PRKN: variants seen among roughly 807,000 people sequenced by gnomAD.
PRKN encodes E3 ubiquitin-protein ligase parkin.
Under a neutral mutation model 59.5 loss-of-function variants are expected in PRKN, and 56 were observed. The ratio of observed to expected loss-of-function variants is 0.94; its 90% CI spans 0.76 to 1.18. PRKN has a LOEUF of 1.18. Among genes scored for constraint, PRKN ranks in the 50% most tolerant of loss-of-function variants. PRKN has a pLI of 0.00. For synonymous variants in PRKN, 250 were observed against 222.1 expected, an observed-to-expected ratio of 1.13 and a Z score of -1.12; for missense variants, 657 against 596.4, an observed-to-expected ratio of 1.10 and a Z score of -1.06.
At chr6:162,612,623 A>G (rs532269410) in intron 1 of PRKN, among the ~76,000 whole-genome samples, 1 of 151,508 alleles carries the variant, frequency 6.6e-6, no homozygotes, top group Non-Finnish European at 1.5e-5. Context: ...AAAAAACAGC[A>G]AAAAACAAAA....
chr6:161,719,303 G>T (rs1787123186), intron 7 of PRKN, among the ~76,000 whole-genome samples: 1 of 151,756 alleles, frequency 6.6e-6, no homozygotes, highest in African/African-American at 2.4e-5. Flanking sequence ...AGAGAGGAAG[G>T]AAAAAGGAGA....
chr6:161,573,796 A>ATATATATAT (rs1562535152), intron 7 of PRKN, among the ~76,000 whole-genome samples: 209 of 105,698 alleles, frequency 2.0e-3, no homozygotes, highest in Middle Eastern at 4.8e-3. Flanking sequence ...ATATATATAT[A>ATATATATAT]AAACTTCATT....
chr6:161,587,536 A>C (rs1781562765), intron 7 of PRKN, among the ~76,000 whole-genome samples: 1 of 152,214 alleles, frequency 6.6e-6, no homozygotes, highest in African/African-American at 2.4e-5. Context: ...TCATCTGCCA[A>C]ATACTTTAAT....
chr6:162,499,263 A>G (rs1159908467), intron 1 of PRKN, among the ~76,000 whole-genome samples: 2 of 152,092 alleles, frequency 1.3e-5, no homozygotes, highest in African/African-American at 2.4e-5. Flanking sequence ...TAACTCCTAT[A>G]TGACCTTAAA....
chr6:161,839,351 AAGTCGGGG>A (rs1792889697), intron 6 of PRKN, among the ~76,000 whole-genome samples: 1 of 152,088 alleles, frequency 6.6e-6, no homozygotes, highest in Non-Finnish European at 1.5e-5. Context: ...AGGCTGCACT[AAGTCGGGG>A]GTCACGGCTA....
chr6:162,275,468 C>T (rs74922818), intron 2 of PRKN: 1 of 151,982 alleles, frequency 6.6e-6, no homozygotes, highest in South Asian at 2.1e-4. Flanking sequence ...AATAAAAATG[C>T]AATTTTTAAA....
intron 6 of PRKN, among the ~76,000 whole-genome samples, chr6:161,856,608 C>A (rs1306102544): frequency 6.6e-6 from 1 of 152,052 alleles, no homozygotes; most frequent in East Asian, 1.9e-4. Flanking sequence ...CAATATATTT[C>A]TACAAATGTG....
intron 2 of PRKN, among the ~76,000 whole-genome samples, chr6:162,381,854 A>G (rs116851089): frequency 0.011 from 1,685 of 152,292 alleles, 9 homozygotes; most frequent in Non-Finnish European, 0.017. Context: ...TTACGTCCTT[A>G]GACTTCAGGC....
At chr6:162,232,996 T>C (rs1303602386) in intron 3 of PRKN, among the ~76,000 whole-genome samples, 1 of 152,112 alleles carries the variant, frequency 6.6e-6, no homozygotes, top group Non-Finnish European at 1.5e-5. Context: ...AAAAGTGTGT[T>C]TATTTATTTT....
At chr6:161,761,081 G>T (rs1789180368) in intron 7 of PRKN, among the ~76,000 whole-genome samples, 1 of 152,198 alleles carries the variant, frequency 6.6e-6, no homozygotes, top group South Asian at 2.1e-4. Flanking sequence ...AGATGTTCTA[G>T]AGAATTACTG....
chr6:162,566,463 C>G (rs1780083851), intron 1 of PRKN, among the ~76,000 whole-genome samples: 1 of 152,016 alleles, frequency 6.6e-6, no homozygotes, highest in Non-Finnish European at 1.5e-5. Flanking sequence ...GCAACTGATA[C>G]TGCAAAAGTT....
intron 1 of PRKN, among the ~76,000 whole-genome samples, chr6:162,477,596 G>C (rs1464749096): frequency 1.3e-5 from 2 of 152,114 alleles, no homozygotes; most frequent in African/African-American, 4.8e-5. Flanking sequence ...AAGTCTTCAG[G>C]TGTTCACAGT....
chr6:161,462,127 G>A lies in PRKN; in HGVS notation c.1084-75250C>T, dbSNP rs570370530. Among the ~76,000 whole-genome samples the A allele has an allele frequency of 3.3e-5, 5 of 152,000 alleles. No homozygotes were observed. In the South Asian group the frequency reaches 6.3e-4, roughly 19 times the overall value. ...CCTGCAATGAGCGGGGACTCACTAC[G>A]GTAGGGACCTACACATGCTTTGTCT... On this transcript the variant is annotated intron_variant, in intron 9 of 11. Transcript: ENST00000366898. This position sits in a 1 kb window ranked among gnomAD's most constrained non-coding sequence, Gnocchi z 4.5.
intron 4 of PRKN, among the ~76,000 whole-genome samples, chr6:162,099,671 C>A (rs774393175): frequency 2.6e-5 from 4 of 152,120 alleles, no homozygotes; most frequent in African/African-American, 7.2e-5. Context: ...AAAATGATAT[C>A]TATTTATTGT....
intron 3 of PRKN, among the ~76,000 whole-genome samples, chr6:162,204,925 C>G (rs967219601): frequency 2.6e-5 from 4 of 151,034 alleles, no homozygotes; most frequent in Non-Finnish European, 5.9e-5. Context: ...TGGAATGGTA[C>G]AATCTCGGCT....
intron 6 of PRKN, among the ~76,000 whole-genome samples, chr6:161,816,414 G>A (rs1204988148): frequency 6.6e-6 from 1 of 152,116 alleles, no homozygotes; most frequent in Non-Finnish European, 1.5e-5. Context: ...TTGTGGGGGT[G>A]ATGGGTTCAC....
At chr6:162,542,079 C>A (rs1778949048) in intron 1 of PRKN, among the ~76,000 whole-genome samples, 1 of 152,166 alleles carries the variant, frequency 6.6e-6, no homozygotes, top group South Asian at 2.1e-4. Flanking sequence ...ACCCAAGTTC[C>A]CAGGTTGCGG....
intron 7 of PRKN, among the ~76,000 whole-genome samples, chr6:161,684,805 AC>A (rs1232451748): frequency 6.6e-5 from 10 of 151,978 alleles, no homozygotes; most frequent in Admixed American, 2.0e-4. Flanking sequence ...AAAAAAAAAA[AC>A]ATTCCTGTGC....
At chr6:161,779,803 T>C (rs1306143906) in intron 7 of PRKN, among the ~76,000 whole-genome samples, 1 of 152,130 alleles carries the variant, frequency 6.6e-6, no homozygotes, top group Non-Finnish European at 1.5e-5. Flanking sequence ...TCTTGTTCTA[T>C]GCTCCACGAA....
Sources: allele counts gnomAD v4.1 joint callset (sites outside exome capture counted in the v4.1 genomes callset), GRCh38; gene constraint gnomAD v4.1.1; non-coding constraint Gnocchi (gnomAD v3.1); transcripts MANE v1.5; gene names NCBI Gene and HGNC (gene_info 2026-07-23, HGNC 2026-07-21).